The following CDC42SE2 variants were observed in gnomAD, a reference collection of about 807,000 sequenced individuals.
CDC42SE2 encodes the protein CDC42 small effector protein 2.
In CDC42SE2, 3 loss-of-function variants were observed where a neutral mutation model predicts 11.5. That is an observed-to-expected ratio of 0.26 (90% confidence interval 0.12 to 0.67). The LOEUF is 0.67. Ranked by LOEUF, CDC42SE2 falls within the 30% of genes least tolerant of loss-of-function variation. CDC42SE2 has a pLI of 0.80. For missense variants in CDC42SE2, 82 were observed against 106.8 expected, an observed-to-expected ratio of 0.77 and a Z score of 1.02; for synonymous variants, 33 against 34.8, an observed-to-expected ratio of 0.95 and a Z score of 0.18.
intron 2 of CDC42SE2, among the ~76,000 whole-genome samples, chr5:131,323,907 C>T (rs556429756): frequency 6.6e-6 from 1 of 152,082 alleles, no homozygotes; most frequent in African/African-American, 2.4e-5. Flanking sequence ...GAATTTTATC[C>T]AGAGACAAAA....
At chr5:131,349,576 A>G (rs1758949654) in intron 2 of CDC42SE2, among the ~76,000 whole-genome samples, 1 of 152,202 alleles carries the variant, frequency 6.6e-6, no homozygotes, top group Admixed American at 6.5e-5. Context: ...TCGACTGTGC[A>G]GGGAATTGGT....
chr5:131,362,123 TTCTCTA>T (rs1341168379), intron 3 of CDC42SE2, among the ~76,000 whole-genome samples: 1 of 152,090 alleles, frequency 6.6e-6, no homozygotes, highest in Non-Finnish European at 1.5e-5. Flanking sequence ...GGACCTGCCT[TTCTCTA>T]CCCAGCACTT....
intron 2 of CDC42SE2, among the ~76,000 whole-genome samples, chr5:131,325,662 C>T (rs1175857027): frequency 4.6e-5 from 7 of 152,106 alleles, no homozygotes; most frequent in Admixed American, 4.6e-4. Flanking sequence ...TCTTAAATAT[C>T]ATGTTCATTT....
chr5:131,226,841 T>G, the CDC42SE2 span, among the ~76,000 whole-genome samples: 1 of 152,174 alleles, frequency 6.6e-6, no homozygotes, highest in East Asian at 1.9e-4. Context: ...TGAAGGTTAT[T>G]ATAGTAGAAA....
At chr5:131,317,268 A>G (rs1758060771) in intron 2 of CDC42SE2, among the ~76,000 whole-genome samples, 1 of 152,192 alleles carries the variant, frequency 6.6e-6, no homozygotes, top group Non-Finnish European at 1.5e-5. Flanking sequence ...GTCCAACTTT[A>G]CCGTCAGAAC....
At chr5:131,356,359 A>C (rs1445958068) in intron 2 of CDC42SE2, among the ~76,000 whole-genome samples, 1 of 152,224 alleles carries the variant, frequency 6.6e-6, no homozygotes, top group African/African-American at 2.4e-5. Flanking sequence ...TTTCTTGTGA[A>C]GAATTCAATA....
At chr5:131,338,610 C>T (rs1171237007) in intron 2 of CDC42SE2, among the ~76,000 whole-genome samples, 1 of 152,156 alleles carries the variant, frequency 6.6e-6, no homozygotes, top group African/African-American at 2.4e-5. Context: ...CTCATTTAAT[C>T]CTCACATAAA....
the CDC42SE2 span, among the ~76,000 whole-genome samples, chr5:131,229,110 C>A: frequency 6.6e-6 from 1 of 152,054 alleles, no homozygotes; most frequent in African/African-American, 2.4e-5. Flanking sequence ...TGGAGAGAAC[C>A]AGGCTCTCAT....
At chr5:131,284,953 G>A (rs928648459) in intron 1 of CDC42SE2, among the ~76,000 whole-genome samples, 2 of 151,910 alleles carry the variant, frequency 1.3e-5, no homozygotes, top group Non-Finnish European at 2.9e-5. Context: ...CAAAGGACTT[G>A]AGTCTAGCCT....
the CDC42SE2 span, among the ~76,000 whole-genome samples, chr5:131,213,045 C>T: frequency 6.6e-6 from 1 of 152,070 alleles, no homozygotes; most frequent in African/African-American, 2.4e-5. Context: ...GCAAAATTAG[C>T]CAGGCATGGT....
At chr5:131,298,579 A>G (rs1183636755) in intron 1 of CDC42SE2, among the ~76,000 whole-genome samples, 1 of 151,096 alleles carries the variant, frequency 6.6e-6, no homozygotes, top group Non-Finnish European at 1.5e-5. Context: ...TAGGCATCCC[A>G]GTATCTTTTT....
chr5:131,319,225 C>G (rs988520168), intron 2 of CDC42SE2, among the ~76,000 whole-genome samples: 9 of 152,084 alleles, frequency 5.9e-5, no homozygotes, highest in African/African-American at 1.9e-4. Flanking sequence ...CTTTTCCCCC[C>G]ACCCTCAGTG....
chr5:131,257,628 C>T (rs1157193238), intron 2 of CDC42SE2, among the ~76,000 whole-genome samples: 1 of 151,844 alleles, frequency 6.6e-6, no homozygotes. Flanking sequence ...CAGGTGCGCA[C>T]CACCATGCCT....
chr5:131,380,990 C>A (rs888470301), intron 3 of CDC42SE2, among the ~76,000 whole-genome samples: 3 of 152,196 alleles, frequency 2.0e-5, no homozygotes, highest in African/African-American at 7.2e-5. Flanking sequence ...ACGTATTTGT[C>A]TTTAATTGAC....
chr5:131,319,471 G>A (rs1361097643), intron 2 of CDC42SE2, among the ~76,000 whole-genome samples: 2 of 152,086 alleles, frequency 1.3e-5, no homozygotes, highest in Non-Finnish European at 2.9e-5. Flanking sequence ...CATAGACAGA[G>A]CTTGCACTCT....
chr5:131,358,199 A>G (rs1482298895), intron 2 of CDC42SE2, among the ~76,000 whole-genome samples: 2 of 152,232 alleles, frequency 1.3e-5, no homozygotes, highest in South Asian at 2.1e-4. Flanking sequence ...TTATATATCA[A>G]ACTGTCTATT....
At chr5:131,238,277 C>T in the CDC42SE2 span, among the ~76,000 whole-genome samples, 22 of 152,036 alleles carry the variant, frequency 1.4e-4, no homozygotes, top group South Asian at 2.7e-3. Context: ...GCGGATGGAT[C>T]GCGAGGTCAG....
At chr5:131,312,086 T>C (rs1020938801) in intron 1 of CDC42SE2, among the ~76,000 whole-genome samples, 3 of 152,214 alleles carry the variant, frequency 2.0e-5, no homozygotes, top group Non-Finnish European at 2.9e-5. Context: ...TATCTACTTT[T>C]GGTCTTTGAT....
intron 2 of CDC42SE2, among the ~76,000 whole-genome samples, chr5:131,339,247 A>G (rs11957877): frequency 4.2e-3 from 282 of 67,520 alleles, no homozygotes; most frequent in African/African-American, 0.02. Context: ...ACTCTGTCTG[A>G]AAAAAAAAAA....
Sources: allele counts gnomAD v4.1 joint callset (sites outside exome capture counted in the v4.1 genomes callset), GRCh38; gene constraint gnomAD v4.1.1; transcripts MANE v1.5; gene names NCBI Gene and HGNC (gene_info 2026-07-23, HGNC 2026-07-21).